MEFV: variants seen among roughly 807,000 people sequenced by gnomAD.
MEFV encodes the protein pyrin.
MEFV carries 60 observed loss-of-function variants against 62.5 expected under a neutral mutation model. The observed-to-expected ratio is 0.96, with a 90% CI of 0.78 to 1.19. The LOEUF (loss-of-function observed/expected upper bound fraction) is 1.19, where lower values mean the gene tolerates loss of function less well. Ranked by LOEUF, MEFV falls within the 50% of genes most tolerant of loss-of-function variation. MEFV has a pLI of 0.00. For synonymous variants in MEFV, 500 were observed against 415.2 expected (o/e 1.20, Z -2.48); for missense variants, 1,169 against 1,004.5 (o/e 1.16, Z -2.21).
chr16:3,244,575 G>A lies in MEFV; in HGVS notation c.1624C>T (p.Pro542Ser), dbSNP rs1431692070. 6.2e-7 allele frequency: 1 copy of A among 1,613,656 alleles called. No individual in the cohort carries two copies. The highest frequency in any genetic ancestry group is 1.7e-5 in the Admixed American group (1 of 60,024). Residue 542 changes from proline (P) to serine (S), a missense_variant, in exon 7 of 10, where the codon CCT (proline) becomes TCT (serine). Transcript: ENST00000219596. ...GGAGTGGTCCACTTTTCAGGGACAG[G>A]CACTGTCTTAGCCCTAGAGACAAAA... ...GDILHRAKTV[P>S]VPEKWTTPQE... is the part of the protein sequence containing the mutation.
chr16:3,245,496 T>C (rs1251743990), intron 6 of MEFV, among the ~76,000 whole-genome samples: 2 of 152,046 alleles, frequency 1.3e-5, no homozygotes, highest in Non-Finnish European at 2.9e-5. Flanking sequence ...TAGCTGGGCA[T>C]GGTGGCACGC....
chr16:3,243,059 A>T lies in MEFV; in HGVS notation c.*82T>A. ...TTTTGCATTTCCCATAGCAGCTAGCACCTAGTCGGCATTCCGTGACTATTG... is the reference window on the plus strand; with the variant it reads ...TTTTGCATTTCCCATAGCAGCTAGCTCCTAGTCGGCATTCCGTGACTATTG... On this transcript the variant is annotated 3_prime_UTR_variant, in exon 10 of 10. Transcript: ENST00000219596. 6.8e-7 allele frequency: 1 copy of T among 1,479,894 alleles called. No homozygotes were observed. Among genetic ancestry groups the T allele is most frequent in the East Asian group, 2.3e-5 (1 of 44,182 alleles). 91.7% of individuals were successfully genotyped at this position (1,479,894 alleles called of 1,614,324 possible).
rs1596349432 is a variant in MEFV, at chr16:3,242,700, A to G, written c.*441T>C. 9.0e-6 allele frequency: 2 copies of G among 221,044 alleles called. No individual in the cohort carries two copies. The highest frequency in any genetic ancestry group is 2.3e-4 in the East Asian group (2 of 8,652). The allele number at this position is 221,044 out of a possible 1,614,324, so 13.7% of individuals were successfully genotyped here. ...AAAAAAAAAAAAAAAATCATAGTTC[A>G]TTAATCCAGGTACACAAATACTTCT... is the stretch of plus-strand genomic sequence containing the variant. On this transcript the variant is annotated 3_prime_UTR_variant, in exon 10 of 10. Transcript: ENST00000219596.
intron 1 of MEFV, among the ~76,000 whole-genome samples, chr16:3,255,527 T>A (rs1272065768): frequency 1.3e-5 from 2 of 151,958 alleles, no homozygotes; most frequent in Non-Finnish European, 2.9e-5. Context: ...TTTTCTGTTT[T>A]TTCAATAGCT....
Position 3,249,727 on chromosome 16 carries a change from G to T in MEFV, c.964C>A (p.Pro322Thr), listed in dbSNP as rs764835719. The change falls in exon 3 of 10, where the codon CCA (proline) becomes ACA (threonine). Residue 322 changes from proline to threonine, a missense_variant. Pro to Thr is a conservative substitution (Grantham distance 38). Coordinates refer to ENST00000219596, the MANE Select transcript of MEFV (RefSeq NM_000243.3). Reference protein sequence around the residue: ...SPRCHAQEGDPVDGTCVRDSC... With the variant: ...SPRCHAQEGDTVDGTCVRDSC... ...TCACGCACACAGGTACCGTCAACTG[G>T]GTCTCCTTCCTGGGCGTGGCAGCGG... 6.2e-7 allele frequency: 1 copy of T among 1,614,060 alleles called. No homozygotes were observed. Among genetic ancestry groups the T allele is most frequent in the Non-Finnish European group, 8.5e-7 (1 of 1,179,948 alleles).
chr16:3,247,543 T>C, intron 4 of MEFV: 1 of 390,430 alleles, frequency 2.6e-6, no homozygotes, highest in Non-Finnish European at 4.5e-6. Context: ...TGTGATCTTA[T>C]TTGGAGATAA....
Position 3,256,385 on chromosome 16 carries a change from T to G in MEFV, c.203A>C (p.Gln68Pro). 3.7e-6 allele frequency: 6 copies of G among 1,614,054 alleles called. No individual in the cohort carries two copies. Among genetic ancestry groups the G allele is most frequent in the Non-Finnish European group, 5.1e-6 (6 of 1,179,952 alleles). Residue 68 changes from glutamine (Q) to proline (P), a missense_variant, in exon 1 of 10, where the codon CAG (glutamine) becomes CCG (proline). Coordinates refer to ENST00000219596, the MANE Select transcript of MEFV (RefSeq NM_000243.3). ...VTYYGEEYAV[Q>P]LTLQVLRAIN... ...GGCCCGCAGGACCTGCAGGGTGAGC[T>G]GCACGGCGTACTCTTCCCCATAGTA...
chr16:3,254,507 G>A lies in MEFV; in HGVS notation c.561C>T (p.Ser187=), dbSNP rs910638883. The stretch of plus-strand genomic sequence containing the variant: ...CCTCTAGCGCCCTGCAGGGGCCGGG[G>A]CTTCTCCCGCCCGGCAGGGCCGGGC... ...TRSPALPGGR[S]PGPCRALEGG... is the part of the protein sequence containing the mutation. The change falls in exon 2 of 10, where the codon AGC becomes AGT. Residue 187 remains serine, a synonymous_variant. Coordinates refer to ENST00000219596, the MANE Select transcript of MEFV (RefSeq NM_000243.3). 64 of 1,565,580 alleles carry A rather than the reference G, an allele frequency of 4.1e-5. No individual in the cohort carries two copies. The highest frequency in any genetic ancestry group is 5.3e-5 in the Non-Finnish European group (62 of 1,159,332).
At chr16:3,250,953 G>A (rs957586729) in intron 2 of MEFV, among the ~76,000 whole-genome samples, 1 of 149,866 alleles carries the variant, frequency 6.7e-6, no homozygotes, top group Non-Finnish European at 1.5e-5. Context: ...GAACCCGGGA[G>A]GCGGAGTTTG....
rs886051971 is a variant in MEFV, at chr16:3,254,417, C to T, written c.651G>A (p.Ala217=). The T allele has an allele frequency of 6.2e-7, 1 of 1,612,850 alleles. No individual in the cohort carries two copies. Among genetic ancestry groups the T allele is most frequent in the Non-Finnish European group, 8.5e-7 (1 of 1,179,714 alleles). ...ACTCCTTCTGCCCCGGGGCGCCCCC[C>T]GCCAGCCCCTGCAGCCTCCCCGCGG... ...ASSAGRLQGL[A]GGAPGQKECR... is the part of the protein sequence containing the mutation. Residue 217 remains alanine (A), a synonymous_variant, in exon 2 of 10, where the codon GCG becomes GCA. Coordinates refer to ENST00000219596, the MANE Select transcript of MEFV (RefSeq NM_000243.3).
In MEFV at chr16:3,242,926, G is replaced by T; in HGVS notation, c.*215C>A. 1 of 596,550 alleles carries T rather than the reference G, an allele frequency of 1.7e-6. No individual in the cohort carries two copies. Among genetic ancestry groups the T allele is most frequent in the Non-Finnish European group, 3.0e-6 (1 of 334,160 alleles). 37.0% of individuals were successfully genotyped at this position (596,550 alleles called of 1,614,324 possible). Reference sequence around the variant, plus strand: ...CCGTACTTCCTCCTCTGAAATCCATGGTGTGTCATCAGTACATGTCTTCAC... The same window carrying T: ...CCGTACTTCCTCCTCTGAAATCCATTGTGTGTCATCAGTACATGTCTTCAC... On this transcript the variant is annotated 3_prime_UTR_variant, in exon 10 of 10. Transcript: ENST00000219596.
chr16:3,246,325 C>A, intron 6 of MEFV, 200 bp downstream of exon 6: 1 of 622,616 alleles, frequency 1.6e-6, no homozygotes, highest in Non-Finnish European at 2.8e-6. Context: ...AGCTCCATAC[C>A]CGGCCAGCCT....
chr16:3,252,949 CAAAAAAAAAAA>C (rs5815167), intron 2 of MEFV, among the ~76,000 whole-genome samples: 2 of 51,668 alleles, frequency 3.9e-5, no homozygotes, highest in South Asian at 8.7e-4. Context: ...GACTCTGTCT[CAAAAAAAAAAA>C]AAAAAAAAAA....
chr16:3,251,461 C>T (rs1959030773), intron 2 of MEFV, among the ~76,000 whole-genome samples: 1 of 152,150 alleles, frequency 6.6e-6, no homozygotes, highest in African/African-American at 2.4e-5. Context: ...ACAGCAGGAC[C>T]CCAGGGTCCT....
chr16:3,254,837 G>C (rs1959093423), intron 1 of MEFV, 47 bp from the exon 2 acceptor site: 1 of 1,604,334 alleles, frequency 6.2e-7, no homozygotes, highest in Admixed American at 1.7e-5. Context: ...CCCACGTTTA[G>C]GGCCCAAGAT....
chr16:3,250,230 G>A (rs1296753787), intron 2 of MEFV, among the ~76,000 whole-genome samples: 1 of 152,188 alleles, frequency 6.6e-6, no homozygotes, highest in Non-Finnish European at 1.5e-5. Flanking sequence ...CAGAGTACCT[G>A]GCAAATGCAA....
intron 2 of MEFV, chr16:3,252,107 A>G (rs1959043939): frequency 3.9e-6 from 1 of 258,878 alleles, no homozygotes; most frequent in Non-Finnish European, 8.2e-6. Flanking sequence ...ATTAGGGGGG[A>G]AATACTTCAG....
intron 4 of MEFV, 136 bp downstream of exon 4, chr16:3,248,773 G>T: frequency 6.3e-7 from 1 of 1,578,410 alleles, no homozygotes; most frequent in Non-Finnish European, 8.6e-7. Flanking sequence ...CTTGGCTGCT[G>T]GTTACCCTCT....
chr16:3,245,219 C>T (rs172791), intron 6 of MEFV, among the ~76,000 whole-genome samples: 90,873 of 151,394 alleles, frequency 0.6, 27,665 homozygotes, highest in South Asian at 0.73. Context: ...GCCCAGGAAG[C>T]TGAGCCTGCA....
Sources: gnomAD v4.1 joint callset for allele counts (sites outside exome capture counted in the v4.1 genomes callset) on GRCh38, gnomAD v4.1.1 for gene constraint, MANE v1.5 for transcripts, NCBI Gene and HGNC (gene_info 2026-07-23, HGNC 2026-07-21) for gene names.